SLC24A2: variants seen among roughly 807,000 people sequenced by gnomAD.
SLC24A2 encodes the protein solute carrier family 24 member 2.
In SLC24A2, 36 loss-of-function variants were observed where a neutral mutation model predicts 62.0. That is an observed-to-expected ratio of 0.58 (90% CI 0.44 to 0.77). The LOEUF is 0.77. Ranked by LOEUF, SLC24A2 falls within the 30% of genes least tolerant of loss-of-function variation. The pLI is 0.00. For synonymous variants in SLC24A2, 358 were observed against 294.0 expected, an observed-to-expected ratio of 1.22 and a Z score of -2.23; for missense variants, 846 against 817.9, an observed-to-expected ratio of 1.03 and a Z score of -0.42.
At chr9:20,206,541 G>C in the SLC24A2 span, among the ~76,000 whole-genome samples, 1 of 152,134 alleles carries the variant, frequency 6.6e-6, no homozygotes, top group Non-Finnish European at 1.5e-5. Flanking sequence ...CCAGGCTGGA[G>C]TGCAGTGGCA....
intron 2 of SLC24A2, among the ~76,000 whole-genome samples, chr9:19,723,510 T>C (rs1564064046): frequency 6.6e-6 from 1 of 152,194 alleles, no homozygotes; most frequent in Non-Finnish European, 1.5e-5. Context: ...AGCCATAAGC[T>C]GTGTCTTTCA....
the SLC24A2 span, among the ~76,000 whole-genome samples, chr9:19,839,312 C>G: frequency 6.6e-6 from 1 of 152,138 alleles, no homozygotes; most frequent in Non-Finnish European, 1.5e-5. Flanking sequence ...ACTAGTTTAA[C>G]CATTGTGGAA....
chr9:20,204,286 T>C, the SLC24A2 span, among the ~76,000 whole-genome samples: 1 of 152,190 alleles, frequency 6.6e-6, no homozygotes, highest in Non-Finnish European at 1.5e-5. Context: ...CATTGCCACC[T>C]TCAAAGTAAC....
the SLC24A2 span, among the ~76,000 whole-genome samples, chr9:20,071,335 G>T: frequency 1.3e-5 from 2 of 152,190 alleles, no homozygotes; most frequent in Non-Finnish European, 2.9e-5. Flanking sequence ...AGAAGAGGTA[G>T]GGGATTCAGG....
At chr9:19,553,389 A>C in intron 7 of SLC24A2, among the ~76,000 whole-genome samples, 1 of 152,190 alleles carries the variant, frequency 6.6e-6, no homozygotes, top group East Asian at 1.9e-4. Flanking sequence ...GTGTCCATAG[A>C]AAACAAAACA....
upstream of SLC24A2, among the ~76,000 whole-genome samples, chr9:19,792,536 C>CAA (rs1165695410): frequency 5.6e-4 from 42 of 74,586 alleles, no homozygotes; most frequent in East Asian, 1.7e-3. Flanking sequence ...ACTAAAAATA[C>CAA]AAAAAAAAAA....
the SLC24A2 span, among the ~76,000 whole-genome samples, chr9:20,015,332 G>C: frequency 6.6e-6 from 1 of 152,216 alleles, no homozygotes; most frequent in African/African-American, 2.4e-5. Context: ...GGGTAGCCTT[G>C]TAGATGCAGG....
chr9:19,767,934 T>G (rs956965232), intron 2 of SLC24A2, among the ~76,000 whole-genome samples: 1 of 152,190 alleles, frequency 6.6e-6, no homozygotes, highest in Non-Finnish European at 1.5e-5. Flanking sequence ...GTCTTCTTGT[T>G]GGTGGGGACT....
chr9:19,981,640 T>A, the SLC24A2 span, among the ~76,000 whole-genome samples: 2 of 152,206 alleles, frequency 1.3e-5, no homozygotes, highest in Admixed American at 1.3e-4. Context: ...GGCTTGGCTT[T>A]AAGGGATGAC....
intron 8 of SLC24A2, among the ~76,000 whole-genome samples, chr9:19,539,524 A>T (rs1183786439): frequency 5.7e-5 from 8 of 140,080 alleles, no homozygotes; most frequent in African/African-American, 1.6e-4. Context: ...TTTGAGTGAG[A>T]TTCTTAATCC....
chr9:19,544,585 G>C (rs1031562884), intron 8 of SLC24A2, among the ~76,000 whole-genome samples: 1 of 152,112 alleles, frequency 6.6e-6, no homozygotes, highest in African/African-American at 2.4e-5. Flanking sequence ...TCCTCTCCAT[G>C]TTTAGTGTTT....
At chr9:19,848,760 T>C in the SLC24A2 span, among the ~76,000 whole-genome samples, 4 of 152,362 alleles carry the variant, frequency 2.6e-5, no homozygotes, top group South Asian at 6.2e-4. Flanking sequence ...AGATTGTTCT[T>C]CATTATTTAA....
the SLC24A2 span, among the ~76,000 whole-genome samples, chr9:19,959,442 G>A: frequency 6.6e-6 from 1 of 152,124 alleles, no homozygotes; most frequent in Non-Finnish European, 1.5e-5. Flanking sequence ...ATAAAATAAG[G>A]TGCCACGGTG....
At chr9:19,857,744 A>G in the SLC24A2 span, among the ~76,000 whole-genome samples, 2 of 89,352 alleles carry the variant, frequency 2.2e-5, no homozygotes, top group East Asian at 2.4e-4. Flanking sequence ...TTACTTCAGT[A>G]GGTTTTTTTT....
At chr9:20,240,591 G>A in the SLC24A2 span, among the ~76,000 whole-genome samples, 1 of 152,184 alleles carries the variant, frequency 6.6e-6, no homozygotes, top group Admixed American at 6.5e-5. Flanking sequence ...ATTAATGGGA[G>A]TAGAACTTTT....
chr9:20,076,240 A>G, the SLC24A2 span, among the ~76,000 whole-genome samples: 2 of 152,214 alleles, frequency 1.3e-5, no homozygotes, highest in Non-Finnish European at 2.9e-5. Flanking sequence ...TTTCACAGTT[A>G]GATGAGCATT....
intron 2 of SLC24A2, among the ~76,000 whole-genome samples, chr9:19,778,067 T>C (rs759430374): frequency 3.9e-5 from 6 of 152,208 alleles, no homozygotes; most frequent in Non-Finnish European, 8.8e-5. Flanking sequence ...ATTGAGAGAA[T>C]GCCATTAAAA....
chr9:19,619,715 T>C (rs898937730), intron 3 of SLC24A2, 23 bp from the exon 4 acceptor site: 2 of 1,561,676 alleles, frequency 1.3e-6, no homozygotes, highest in Admixed American at 1.7e-5. Flanking sequence ...ACCAAAGAGA[T>C]GGTTAGTCTC....
the SLC24A2 span, among the ~76,000 whole-genome samples, chr9:19,881,687 A>G: frequency 2.0e-3 from 303 of 152,312 alleles, 11 homozygotes; most frequent in East Asian, 0.053. Flanking sequence ...GTACTCTTTT[A>G]GTAGTTATTT....
Sources: allele counts gnomAD v4.1 joint callset (sites outside exome capture counted in the v4.1 genomes callset), GRCh38; gene constraint gnomAD v4.1.1; transcripts MANE v1.5; gene names NCBI Gene and HGNC (gene_info 2026-07-23, HGNC 2026-07-21).